Variants in RAC2 observed in about 807,000 individuals in gnomAD.
The protein encoded by RAC2 is ras-related C3 botulinum toxin substrate 2.
A neutral mutation model predicts 24.0 loss-of-function variants in RAC2; 1 was observed. The ratio of observed to expected loss-of-function variants is 0.04; its 90% CI spans 0.01 to 0.20. The LOEUF (loss-of-function observed/expected upper bound fraction) is 0.20. Among genes scored for constraint, RAC2 ranks in the 10% least tolerant of loss-of-function variants. The pLI is 1.00. For synonymous variants in RAC2, 114 were observed against 106.8 expected, an observed-to-expected ratio of 1.07 and a Z score of -0.41; for missense variants, 130 against 259.1, an observed-to-expected ratio of 0.50 and a Z score of 3.42.
chr22:37,241,564 C>A, intron 2 of RAC2, 23 bp downstream of exon 2: 1 of 1,604,038 alleles, frequency 6.2e-7, no homozygotes, highest in Non-Finnish European at 8.5e-7. Context: ...CTCCCACCAC[C>A]CCACATATCC....
chr22:37,236,318 G>A (rs575829593), intron 2 of RAC2, among the ~76,000 whole-genome samples: 22 of 152,194 alleles, frequency 1.4e-4, no homozygotes, highest in Non-Finnish European at 2.5e-4. Flanking sequence ...TGTCAATGGT[G>A]TGACACCCCT....
intron 1 of RAC2, among the ~76,000 whole-genome samples, 197 bp from the exon 2 acceptor site, chr22:37,241,855 T>C (rs1927406418): frequency 6.6e-6 from 1 of 152,290 alleles, no homozygotes; most frequent in Middle Eastern, 3.4e-3. Flanking sequence ...TTTGTTAAAG[T>C]GGAGACTTCA....
At chr22:37,235,254 G>A (rs1269078210) in intron 2 of RAC2, among the ~76,000 whole-genome samples, 4 of 152,112 alleles carry the variant, frequency 2.6e-5, no homozygotes, top group Non-Finnish European at 4.4e-5. Flanking sequence ...TGCCTGTCCA[G>A]CCCTGGACAG....
At position 37,231,915 on chromosome 22, in the gene RAC2, C is replaced by T. The variant is rs1295129723; in HGVS notation, c.288+17G>A. 1 of 1,551,542 alleles carries T rather than the reference C, an allele frequency of 6.4e-7. No homozygotes were observed. Among genetic ancestry groups the T allele is most frequent in the South Asian group, 1.2e-5 (1 of 84,056 alleles). ...TACCTGCCCCAGAGCCCCCAAGGCC[C>T]ACCCTGTCCAGCTCACCTTGGCGCG... On this transcript the variant is annotated intron_variant, in intron 4 of 6. Transcript: ENST00000249071. The surrounding 1 kb of genome is among the most constrained non-coding windows in gnomAD (Gnocchi z 5.5).
chr22:37,241,101 G>T (rs750030956), intron 2 of RAC2: 2 of 773,844 alleles, frequency 2.6e-6, no homozygotes, highest in Non-Finnish European at 4.8e-6. Context: ...ACACCAACAC[G>T]CTCCCTCCAC....
At chr22:37,229,318 A>G (rs928626188) in intron 5 of RAC2, among the ~76,000 whole-genome samples, 1 of 151,984 alleles carries the variant, frequency 6.6e-6, no homozygotes, top group Admixed American at 6.6e-5. Flanking sequence ...GGGGCAGTGG[A>G]GGTGCAGGGA....
At chr22:37,235,720 T>C (rs1927203399) in intron 2 of RAC2, among the ~76,000 whole-genome samples, 1 of 152,236 alleles carries the variant, frequency 6.6e-6, no homozygotes, top group African/African-American at 2.4e-5. Context: ...TTTCCAGTTT[T>C]GACCAGAAAC....
Position 37,244,222 on chromosome 22 carries a change from G to A in RAC2, c.-74C>T. ...GCGTTTCTGCGGGCGCAAGGGGTGT[G>A]GAGGCTGGTGAGGCGCCTGCTGAGG... On this transcript the variant is annotated 5_prime_UTR_variant, in exon 1 of 7. Coordinates refer to ENST00000249071, the MANE Select transcript of RAC2 (RefSeq NM_002872.5). The A allele has an allele frequency of 1.3e-6, 2 of 1,567,586 alleles. No homozygotes were observed. The highest frequency in any genetic ancestry group is 1.7e-6 in the Non-Finnish European group (2 of 1,147,438).
In RAC2 at chr22:37,231,543, C is replaced by G. The variant is rs141269495; in HGVS notation, c.289-153G>C. 8 of 695,154 alleles carry G rather than the reference C, an allele frequency of 1.2e-5. No homozygotes were observed. Among genetic ancestry groups the G allele is most frequent in the Non-Finnish European group, 2.0e-5 (8 of 409,286 alleles). 43.1% of individuals were successfully genotyped at this position (695,154 alleles called of 1,614,324 possible). ...GGGCACGACGGTGAGGAGAGAGAGA[C>G]GTGAGGTGGCACAGGGAGGGGAGGC... On this transcript the variant is annotated intron_variant, in intron 4 of 6. Transcript: ENST00000249071. The surrounding 1 kb of genome is among the most constrained non-coding windows in gnomAD (Gnocchi z 5.5).
At chr22:37,240,324 A>G (rs1488290927) in intron 2 of RAC2, among the ~76,000 whole-genome samples, 1 of 152,250 alleles carries the variant, frequency 6.6e-6, no homozygotes, top group Non-Finnish European at 1.5e-5. Context: ...GAGGTTCTGC[A>G]TGGACCTTGG....
At chr22:37,241,116 G>A (rs888184312) in intron 2 of RAC2, 2 of 777,564 alleles carry the variant, frequency 2.6e-6, no homozygotes, top group South Asian at 1.3e-5. Flanking sequence ...CTCCACGTCC[G>A]ATGACAGCCC....
chr22:37,242,713 C>G (rs1266402358), intron 1 of RAC2, among the ~76,000 whole-genome samples: 1 of 152,242 alleles, frequency 6.6e-6, no homozygotes, highest in Non-Finnish European at 1.5e-5. Context: ...GTGAACAGGG[C>G]TGGGGCAGGC....
At chr22:37,232,181 C>T (rs943264272) in intron 3 of RAC2, among the ~76,000 whole-genome samples, 187 bp from the exon 4 acceptor site, 7 of 152,168 alleles carry the variant, frequency 4.6e-5, no homozygotes, top group African/African-American at 1.4e-4. Flanking sequence ...TTTGTTAGGA[C>T]GCTCACTAAA....
chr22:37,231,137 C>G lies in RAC2; in HGVS notation c.448+94G>C. On this transcript the variant is annotated intron_variant, in intron 5 of 6. Coordinates refer to ENST00000249071, the MANE Select transcript of RAC2 (RefSeq NM_002872.5). The surrounding 1 kb of genome is among the most constrained non-coding windows in gnomAD (Gnocchi z 5.5). ...GCACAGCTGAGTTCAAACTGCACAGCCTGGCCCTGCAGCCCGTGTTTACAA... is the reference window on the plus strand; with the variant it reads ...GCACAGCTGAGTTCAAACTGCACAGGCTGGCCCTGCAGCCCGTGTTTACAA... 6.8e-7 allele frequency: 1 copy of G among 1,475,832 alleles called. No individual in the cohort carries two copies. The highest frequency in any genetic ancestry group is 1.1e-5 in the South Asian group (1 of 87,684). 91.4% of individuals were successfully genotyped at this position (1,475,832 alleles called of 1,614,324 possible).
chr22:37,227,903 C>A (rs982604560), intron 5 of RAC2, among the ~76,000 whole-genome samples: 1 of 152,088 alleles, frequency 6.6e-6, no homozygotes, highest in Admixed American at 6.5e-5. Context: ...GGACACATAG[C>A]CCTTAGTCCG....
At chr22:37,238,285 G>A (rs949778352) in intron 2 of RAC2, among the ~76,000 whole-genome samples, 6 of 152,006 alleles carry the variant, frequency 3.9e-5, no homozygotes, top group African/African-American at 1.5e-4. Flanking sequence ...TGCCCAGGCT[G>A]GAGTGCAGTA....
chr22:37,239,592 G>A (rs762772550), intron 2 of RAC2, among the ~76,000 whole-genome samples: 6 of 152,180 alleles, frequency 3.9e-5, no homozygotes, highest in Non-Finnish European at 8.8e-5. Context: ...CCATCTCAAC[G>A]TACAAGGGAG....
chr22:37,240,656 G>A (rs895529928), intron 2 of RAC2: 6 of 270,014 alleles, frequency 2.2e-5, no homozygotes, highest in African/African-American at 1.3e-4. Context: ...CCCACAAAGA[G>A]CTGGCCATGG....
chr22:37,233,275 GT>G (rs752382769), intron 2 of RAC2, among the ~76,000 whole-genome samples: 22 of 140,562 alleles, frequency 1.6e-4, no homozygotes, highest in East Asian at 6.3e-4. Flanking sequence ...GCTTTTTGTT[GT>G]TTTTTGTTTG....
Sources: gnomAD v4.1 joint callset for allele counts (sites outside exome capture counted in the v4.1 genomes callset) on GRCh38, gnomAD v4.1.1 for gene constraint, Gnocchi (gnomAD v3.1) non-coding constraint, MANE v1.5 for transcripts, NCBI Gene and HGNC (gene_info 2026-07-23, HGNC 2026-07-21) for gene names.